Variants in ERICH6B observed in about 807,000 individuals in gnomAD.
The protein encoded by ERICH6B is glutamate-rich protein 6B.
A neutral mutation model predicts 80.0 loss-of-function variants in ERICH6B; 69 were observed. The ratio of observed to expected loss-of-function variants is 0.86; its 90% CI spans 0.71 to 1.05. The LOEUF (loss-of-function observed/expected upper bound fraction) is 1.05. ERICH6B is among the 50% of genes least tolerant of loss of function. ERICH6B has a pLI of 0.00. For synonymous variants in ERICH6B, 283 were observed against 291.9 expected (o/e 0.97, Z 0.31); for missense variants, 754 against 796.1 (o/e 0.95, Z 0.64).
intron 10 of ERICH6B, among the ~76,000 whole-genome samples, chr13:45,561,981 A>C (rs968650766): frequency 1.3e-5 from 2 of 152,248 alleles, no homozygotes; most frequent in Non-Finnish European, 2.9e-5. Context: ...AGTGTATATT[A>C]ACATGTCATT....
chr13:45,582,655 C>T (rs1290071416), intron 5 of ERICH6B, among the ~76,000 whole-genome samples: 2 of 152,202 alleles, frequency 1.3e-5, no homozygotes, highest in Non-Finnish European at 2.9e-5. Context: ...CCACGGCTCT[C>T]TGCTGGAAAC....
rs1432562336 is a variant in ERICH6B at position 45,579,916 on chromosome 13, T to C, written c.961+17A>G. On this transcript the variant is annotated intron_variant, in intron 7 of 14. Coordinates refer to ENST00000298738, the MANE Select transcript of ERICH6B (RefSeq NM_182542.3). ...AAGAAAGCAGGGATCTTTGGATGCA[T>C]TATGTCAGATGCTCACCATTTTCTT... 6.4e-7 allele frequency: 1 copy of C among 1,551,540 alleles called. No individual in the cohort carries two copies. The highest frequency in any genetic ancestry group is 1.4e-5 in the African/African-American group (1 of 73,016).
intron 6 of ERICH6B, 99 bp downstream of exon 6, chr13:45,580,504 G>T (rs893734702): frequency 1.1e-5 from 14 of 1,251,024 alleles, no homozygotes; most frequent in Middle Eastern, 3.7e-4. Flanking sequence ...CCAACAGCAT[G>T]CTCTCCTTGG....
At chr13:45,571,767 A>G (rs1875179692) in intron 8 of ERICH6B, among the ~76,000 whole-genome samples, 1 of 152,190 alleles carries the variant, frequency 6.6e-6, no homozygotes, top group South Asian at 2.1e-4. Flanking sequence ...CTAATCCAGT[A>G]TGACTGGTGT....
At chr13:45,542,290 C>T (rs1207905038) in intron 14 of ERICH6B, among the ~76,000 whole-genome samples, 1 of 152,172 alleles carries the variant, frequency 6.6e-6, no homozygotes, top group Non-Finnish European at 1.5e-5. Context: ...TTATTTTAGC[C>T]ATGTAATAAC....
intron 9 of ERICH6B, 29 bp from the exon 10 acceptor site, chr13:45,563,817 G>A: frequency 7.8e-6 from 12 of 1,535,186 alleles, no homozygotes; most frequent in Non-Finnish European, 1.1e-5. Context: ...ATCTTTAGAA[G>A]CCAAGACTAA....
intron 2 of ERICH6B, among the ~76,000 whole-genome samples, chr13:45,606,125 C>T (rs1017908228): frequency 5.9e-5 from 9 of 151,928 alleles, no homozygotes; most frequent in East Asian, 1.9e-4. Flanking sequence ...TTTAAAAGAA[C>T]GAAGAAATAA....
intron 6 of ERICH6B, among the ~76,000 whole-genome samples, 180 bp downstream of exon 6, chr13:45,580,423 C>A (rs11616281): frequency 6.6e-6 from 1 of 152,046 alleles, no homozygotes; most frequent in Non-Finnish European, 1.5e-5. Flanking sequence ...GAGCCTGGAG[C>A]CTCAACATTA....
intron 1 of ERICH6B, 146 bp from the exon 2 acceptor site, chr13:45,607,761 T>C (rs1269612950): frequency 6.6e-6 from 1 of 152,234 alleles, no homozygotes; most frequent in Non-Finnish European, 1.5e-5. Flanking sequence ...TAAAGTTCCT[T>C]GGTCAGTAGC....
intron 11 of ERICH6B, among the ~76,000 whole-genome samples, chr13:45,556,441 T>C (rs1874441428): frequency 6.6e-6 from 1 of 152,302 alleles, no homozygotes; most frequent in Admixed American, 6.5e-5. Context: ...ACAGGTGGTA[T>C]TTGGTTACAC....
At chr13:45,594,227 A>G (rs1019739305) in intron 3 of ERICH6B, among the ~76,000 whole-genome samples, 1 of 152,218 alleles carries the variant, frequency 6.6e-6, no homozygotes, top group African/African-American at 2.4e-5. Context: ...AATTTCATAG[A>G]CCAAGACATT....
intron 2 of ERICH6B, among the ~76,000 whole-genome samples, chr13:45,598,658 G>C (rs1876503561): frequency 6.6e-6 from 1 of 152,074 alleles, no homozygotes; most frequent in Admixed American, 6.6e-5. Flanking sequence ...ATCACTGTTG[G>C]AGCCCTTGGA....
At chr13:45,583,564 G>A (rs1875762626) in intron 5 of ERICH6B, among the ~76,000 whole-genome samples, 1 of 152,180 alleles carries the variant, frequency 6.6e-6, no homozygotes, top group Non-Finnish European at 1.5e-5. Context: ...TGGTTTGGCT[G>A]TGTCCCTACC....
chr13:45,596,931 C>G lies in ERICH6B; in HGVS notation c.75G>C (p.Gln25His), dbSNP rs1876420624. 1.3e-6 allele frequency: 2 copies of G among 1,551,766 alleles called. No individual in the cohort carries two copies. The highest frequency in any genetic ancestry group is 1.2e-5 in the South Asian group (1 of 84,064). The part of the protein sequence containing the change: ...HPPTTPQYST[Q>H]NLPSEKEDTE... The stretch of plus-strand genomic sequence containing the variant: ...TATCCTCTTTCTCTGAAGGCAAGTT[C>G]TGTGTGGAATATTGGGGAGTTGTGG... The change falls in exon 3 of 15, where the codon CAG becomes CAC. Residue 25 changes from glutamine to histidine, a missense_variant. By Grantham distance (24) the Gln-to-His change is conservative. Coordinates refer to ENST00000298738, the MANE Select transcript of ERICH6B (RefSeq NM_182542.3).
intron 3 of ERICH6B, among the ~76,000 whole-genome samples, chr13:45,591,844 G>A (rs1169788521): frequency 6.6e-6 from 1 of 152,150 alleles, no homozygotes; most frequent in Non-Finnish European, 1.5e-5. Flanking sequence ...ATGTTCGTGG[G>A]TTGGGGGATG....
At chr13:45,583,014 T>G (rs142874412) in intron 5 of ERICH6B, among the ~76,000 whole-genome samples, 1 of 152,336 alleles carries the variant, frequency 6.6e-6, no homozygotes, top group East Asian at 1.9e-4. Context: ...AGAAGCATGA[T>G]TAAGCTATTC....
At chr13:45,541,828 G>GCCACCTT in intron 14 of ERICH6B, 148 bp from the exon 15 acceptor site, 1 of 697,720 alleles carries the variant, frequency 1.4e-6, no homozygotes, top group Non-Finnish European at 2.4e-6. Context: ...CCTGCCACCT[G>GCCACCTT]CCACCTTCCT....
intron 8 of ERICH6B, among the ~76,000 whole-genome samples, chr13:45,571,663 ATGAAGTCTG>A (rs1490900517): frequency 6.6e-6 from 1 of 152,220 alleles, no homozygotes; most frequent in African/African-American, 2.4e-5. Context: ...TTAGACTGCA[ATGAAGTCTG>A]TGAAGTCTCC....
intron 1 of ERICH6B, among the ~76,000 whole-genome samples, chr13:45,613,910 G>T (rs946252717): frequency 1.3e-5 from 2 of 152,164 alleles, no homozygotes; most frequent in African/African-American, 2.4e-5. Context: ...TGGGCTGGGG[G>T]ACTCATGGAT....
Sources: gnomAD v4.1 joint callset for allele counts (sites outside exome capture counted in the v4.1 genomes callset) on GRCh38, gnomAD v4.1.1 for gene constraint, MANE v1.5 for transcripts, NCBI Gene and HGNC (gene_info 2026-07-23, HGNC 2026-07-21) for gene names.